SFR1: variants seen among roughly 807,000 people sequenced by gnomAD.
The protein encoded by SFR1 is SWI5 dependent homologous recombination repair protein 1.
SFR1 carries 24 observed loss-of-function variants against 26.2 expected under a neutral mutation model. That is an observed-to-expected ratio of 0.92 (90% CI 0.66 to 1.29). The LOEUF (loss-of-function observed/expected upper bound fraction) is 1.29. Among genes scored for constraint, SFR1 ranks in the 50% most tolerant of loss-of-function variants. The pLI, the probability that SFR1 is intolerant of heterozygous loss-of-function variation, is 0.00. For synonymous variants in SFR1, 77 were observed against 96.6 expected (o/e 0.80, Z 1.19); for missense variants, 276 against 270.2 (o/e 1.02, Z -0.15).
At chr10:104,125,255 G>A (rs1246486098) in intron 3 of SFR1, among the ~76,000 whole-genome samples, 1 of 151,890 alleles carries the variant, frequency 6.6e-6, no homozygotes, top group African/African-American at 2.4e-5. Context: ...ACATAGTTTT[G>A]GCCCTATTTA....
chr10:104,125,229 G>A (rs1487237195), intron 3 of SFR1, among the ~76,000 whole-genome samples: 2 of 152,092 alleles, frequency 1.3e-5, no homozygotes, highest in African/African-American at 2.4e-5. Context: ...ATTTTTCCCT[G>A]TATTATTGCT....
At chr10:104,121,842 A>C (rs575717611), upstream of SFR1, among the ~76,000 whole-genome samples, 1 of 152,326 alleles carries the variant, frequency 6.6e-6, no homozygotes, top group African/African-American at 2.4e-5. Context: ...TAACATTCCG[A>C]AGCTCAGCCT....
At chr10:104,122,147 G>A (rs553179439), upstream of SFR1, 29 of 1,546,804 alleles carry the variant, frequency 1.9e-5, 1 homozygote, top group South Asian at 2.7e-4. Flanking sequence ...ATCGATTTAC[G>A]GCCGCAGGTG....
At chr10:104,123,415 C>A (rs1167154409) in intron 2 of SFR1, 1 of 365,758 alleles carries the variant, frequency 2.7e-6, no homozygotes, top group Non-Finnish European at 4.9e-6. Flanking sequence ...CTCTGTAATT[C>A]TGAAGCACCT....
chr10:104,121,979 T>A, upstream of SFR1: 1 of 467,876 alleles, frequency 2.1e-6, no homozygotes, highest in Non-Finnish European at 3.9e-6. Context: ...GGGCCTCCCA[T>A]CGTGTGGGCC....
chr10:104,121,294 C>G (rs1273054625), upstream of SFR1, among the ~76,000 whole-genome samples: 2 of 152,082 alleles, frequency 1.3e-5, no homozygotes, highest in African/African-American at 4.8e-5. Flanking sequence ...TTTGAGGTCA[C>G]GCTAAGGAGC....
chr10:104,124,198 A>T (rs2087001361), intron 3 of SFR1, 74 bp downstream of exon 3: 2 of 1,354,452 alleles, frequency 1.5e-6, no homozygotes, highest in Non-Finnish European at 1.9e-6. Context: ...TCAAAAATAG[A>T]ATTTTTTTTT....
chr10:104,122,844 T>A, intron 1 of SFR1, 121 bp from the exon 2 acceptor site: 6 of 1,542,710 alleles, frequency 3.9e-6, no homozygotes, highest in Non-Finnish European at 5.2e-6. Context: ...CAAAGTGAAA[T>A]TAGAAGAAAT....
chr10:104,122,124 C>T (rs567344243), upstream of SFR1: 33 of 1,543,868 alleles, frequency 2.1e-5, no homozygotes, highest in Non-Finnish European at 2.8e-5. Context: ...CACGGCCCCG[C>T]CCCTGCCACA....
Position 104,125,765 on chromosome 10 carries a change from C to CA in SFR1, c.*62dup. ...ACAACTTAATTAAAAGATACTTAGG[C>CA]ACTTTTTTTTTTTTTTTGAGACTGA... On this transcript the variant is annotated 3_prime_UTR_variant, in exon 4 of 4. Coordinates refer to ENST00000369727, the MANE Select transcript of SFR1 (RefSeq NM_001002759.2). 5 of 1,150,956 alleles carry CA rather than the reference C, an allele frequency of 4.3e-6. No homozygotes were observed. Among genetic ancestry groups the CA allele is most frequent in the Non-Finnish European group, 6.1e-6 (5 of 824,066 alleles). 71.3% of individuals were successfully genotyped at this position (1,150,956 alleles called of 1,614,324 possible). A position where few individuals can be genotyped will look rare whatever the true frequency, so the allele number is the denominator to read the frequency against.
chr10:104,122,532 G>A, intron 1 of SFR1: 1 of 985,430 alleles, frequency 1.0e-6, no homozygotes, highest in African/African-American at 1.7e-5. Flanking sequence ...AGGGTAACGG[G>A]TTCTAGTCAC....
chr10:104,122,418 ATTTCAGTCCACTCTCCT>A, intron 1 of SFR1: 5 of 985,290 alleles, frequency 5.1e-6, no homozygotes, highest in Non-Finnish European at 4.8e-6. Context: ...GGAGGAAGCA[ATTTCAGTCCACTCTCCT>A]TTTCAGTCCC....
At chr10:104,122,646 C>A in intron 1 of SFR1, 2 of 1,316,096 alleles carry the variant, frequency 1.5e-6, no homozygotes, top group Non-Finnish European at 1.9e-6. Flanking sequence ...TAAAGAATTC[C>A]TGATTATCTA....
upstream of SFR1, chr10:104,122,167 T>C (rs368300177): frequency 2.1e-3 from 3,221 of 1,548,896 alleles, 78 homozygotes; most frequent in South Asian, 0.032. Context: ...GCGCGCGCTT[T>C]TTTGCTCTCG....
intron 3 of SFR1, among the ~76,000 whole-genome samples, chr10:104,125,182 G>A (rs2087011782): frequency 6.6e-6 from 1 of 152,140 alleles, no homozygotes; most frequent in South Asian, 2.1e-4. Flanking sequence ...GGAAAGCATA[G>A]TGTCATTTTT....
Position 104,125,684 on chromosome 10 carries a change from G to A in SFR1, c.718G>A (p.Glu240Lys). 6.3e-7 allele frequency: 1 copy of A among 1,593,646 alleles called. No individual in the cohort carries two copies. Among genetic ancestry groups the A allele is most frequent in the Non-Finnish European group, 8.6e-7 (1 of 1,169,254 alleles). ...DKLLHYNRSEEEFIDV is the reference protein window; with the variant it reads ...DKLLHYNRSEKEFIDV ...ATTACTACACTATAACAGAAGTGAAGAAGAATTTATAGATGTTTAATTCCT... is the reference window on the plus strand; with the variant it reads ...ATTACTACACTATAACAGAAGTGAAAAAGAATTTATAGATGTTTAATTCCT... The change falls in exon 4 of 4, where the codon GAA becomes AAA. Residue 240 changes from glutamate to lysine, a missense_variant. Transcript: ENST00000369727.
At chr10:104,122,163 G>A (rs140353189), upstream of SFR1, 676 of 1,548,488 alleles carry the variant, frequency 4.4e-4, 2 homozygotes, top group African/African-American at 8.0e-3. Context: ...AGGTGCGCGC[G>A]CTTTTTTGCT....
intron 1 of SFR1, 66 bp downstream of exon 1, chr10:104,122,262 C>A: frequency 2.7e-6 from 4 of 1,485,436 alleles, no homozygotes; most frequent in Non-Finnish European, 3.6e-6. Flanking sequence ...GCTGTGGAGT[C>A]GAGTTGAGCT....
At chr10:104,123,223 T>A in intron 2 of SFR1, 137 bp downstream of exon 2, 1 of 753,870 alleles carries the variant, frequency 1.3e-6, no homozygotes, top group South Asian at 2.4e-5. Flanking sequence ...TTAAATAATT[T>A]TGTTTTTCTT....
Sources: gnomAD v4.1 joint callset for allele counts (sites outside exome capture counted in the v4.1 genomes callset) on GRCh38, gnomAD v4.1.1 for gene constraint, MANE v1.5 for transcripts, NCBI Gene and HGNC (gene_info 2026-07-23, HGNC 2026-07-21) for gene names.